Variants in EDIL3 observed in about 807,000 individuals in gnomAD.
The protein encoded by EDIL3 is EGF-like repeat and discoidin I-like domain-containing protein 3.
A neutral mutation model predicts 67.4 loss-of-function variants in EDIL3; 37 were observed. The observed-to-expected ratio is 0.55, with a 90% CI of 0.42 to 0.72. The LOEUF is 0.72. EDIL3 is among the 30% of genes least tolerant of loss of function. The pLI is 0.00. For missense variants in EDIL3, 527 were observed against 586.3 expected, an observed-to-expected ratio of 0.90 and a Z score of 1.04; for synonymous variants, 195 against 196.3, an observed-to-expected ratio of 0.99 and a Z score of 0.05.
Position 84,259,481 on chromosome 5 carries a change from A to T in EDIL3, c.68-5269T>A, listed in dbSNP as rs542528900. 7.9e-5 allele frequency among the ~76,000 whole-genome samples: 12 copies of T among 152,252 alleles called. No individual in the cohort carries two copies. The South Asian group carries it at 2.5e-3, about 32-fold the overall frequency. ...GACAGATGTGTTTAATTTGATTCTAACCATGTTTTATGGTTCCATCTGCAG... is the reference window on the plus strand; with the variant it reads ...GACAGATGTGTTTAATTTGATTCTATCCATGTTTTATGGTTCCATCTGCAG... On this transcript the variant is annotated intron_variant, in intron 1 of 10. Coordinates refer to ENST00000296591, the MANE Select transcript of EDIL3 (RefSeq NM_005711.5).
intron 1 of EDIL3, among the ~76,000 whole-genome samples, chr5:84,304,354 A>T (rs1044670840): frequency 6.6e-6 from 1 of 152,218 alleles, no homozygotes; most frequent in Non-Finnish European, 1.5e-5. Context: ...GGTGCACCAA[A>T]ATTGTGTGAG....
At chr5:84,223,759 A>G (rs1463962875) in intron 3 of EDIL3, among the ~76,000 whole-genome samples, 1 of 151,410 alleles carries the variant, frequency 6.6e-6, no homozygotes, top group East Asian at 1.9e-4. Flanking sequence ...GAGAGAGTAG[A>G]TTGTCAGTGC....
At chr5:84,312,015 C>G (rs1746401558) in intron 1 of EDIL3, among the ~76,000 whole-genome samples, 2 of 152,324 alleles carry the variant, frequency 1.3e-5, no homozygotes, top group South Asian at 2.1e-4. Flanking sequence ...CGCCTTTCCC[C>G]ACTTTCTATT....
chr5:84,302,694 C>T (rs141814037), intron 1 of EDIL3, among the ~76,000 whole-genome samples: 1,959 of 152,222 alleles, frequency 0.013, 26 homozygotes, highest in African/African-American at 0.043. Context: ...ATGTTATTTC[C>T]CAAAGTACTT....
In EDIL3 at chr5:84,327,645, AT is replaced by A. The variant is rs547907637; in HGVS notation, c.67+56662del. On this transcript the variant is annotated intron_variant, in intron 1 of 10. Transcript: ENST00000296591. ...GAGAACAATTAAAGTTGTGTATTTT[AT>A]TTTTTTCCCCACAGAGAAGTTTGGT... Among the ~76,000 whole-genome samples the A allele has an allele frequency of 6.0e-3, 913 of 151,860 alleles. 10 individuals carry two copies. Among genetic ancestry groups the A allele is most frequent in the Non-Finnish European group, 8.0e-3 (545 of 67,888 alleles).
chr5:84,333,030 A>G (rs773099668), intron 1 of EDIL3, among the ~76,000 whole-genome samples: 1 of 152,186 alleles, frequency 6.6e-6, no homozygotes, highest in Admixed American at 6.5e-5. Context: ...TTTCAAATGG[A>G]TAAGCTAATA....
At chr5:83,968,871 A>C (rs1381053160) in intron 9 of EDIL3, among the ~76,000 whole-genome samples, 5 of 151,922 alleles carry the variant, frequency 3.3e-5, no homozygotes, top group Non-Finnish European at 7.4e-5. Flanking sequence ...TTTTATATTT[A>C]ACATTTTAAA....
intron 1 of EDIL3, among the ~76,000 whole-genome samples, chr5:84,287,161 T>C (rs1272208339): frequency 2.0e-5 from 3 of 152,192 alleles, no homozygotes; most frequent in African/African-American, 7.2e-5. Flanking sequence ...ATACGTTCTA[T>C]TGAGCTAAAG....
chr5:84,373,425 C>A (rs1747897075), intron 1 of EDIL3, among the ~76,000 whole-genome samples: 1 of 152,224 alleles, frequency 6.6e-6, no homozygotes, highest in South Asian at 2.1e-4. Context: ...CCTCCAAAAT[C>A]TTTTTCCTCC....
At chr5:84,156,158 C>G (rs1278081117) in intron 4 of EDIL3, among the ~76,000 whole-genome samples, 1 of 152,132 alleles carries the variant, frequency 6.6e-6, no homozygotes, top group East Asian at 1.9e-4. Context: ...CTAGTAAACT[C>G]TGAAATTTTG....
intron 1 of EDIL3, among the ~76,000 whole-genome samples, chr5:84,291,830 C>T (rs184660577): frequency 0.012 from 1,750 of 145,936 alleles, 31 homozygotes; most frequent in African/African-American, 0.04. Flanking sequence ...TATACACACA[C>T]ATATATATAT....
intron 1 of EDIL3, among the ~76,000 whole-genome samples, chr5:84,313,105 T>A (rs191529660): frequency 6.6e-6 from 1 of 152,298 alleles, no homozygotes; most frequent in East Asian, 1.9e-4. Flanking sequence ...CATATTTAAA[T>A]GCATAGTTAA....
intron 1 of EDIL3, among the ~76,000 whole-genome samples, chr5:84,287,938 C>G (rs141589785): frequency 1.1e-4 from 16 of 152,220 alleles, no homozygotes; most frequent in Non-Finnish European, 1.3e-4. Context: ...CCCTTTGTAA[C>G]TTCAAATAGT....
At chr5:84,103,054 GA>G (rs1347242661) in intron 6 of EDIL3, among the ~76,000 whole-genome samples, 1 of 151,984 alleles carries the variant, frequency 6.6e-6, no homozygotes, top group Non-Finnish European at 1.5e-5. Context: ...TGAGAGACCA[GA>G]AATAAGGTTG....
intron 2 of EDIL3, among the ~76,000 whole-genome samples, chr5:84,231,172 G>A (rs766476852): frequency 3.3e-5 from 5 of 152,150 alleles, no homozygotes; most frequent in African/African-American, 1.2e-4. Flanking sequence ...GTTGATTCCT[G>A]TTTTAAGAGG....
chr5:84,020,900 G>GA (rs1406129408), intron 9 of EDIL3, among the ~76,000 whole-genome samples: 2 of 151,598 alleles, frequency 1.3e-5, no homozygotes, highest in Non-Finnish European at 2.9e-5. Context: ...GTAGAATAAA[G>GA]AAAAAAAGTT....
chr5:84,257,204 C>A (rs562593640), intron 1 of EDIL3, among the ~76,000 whole-genome samples: 68 of 152,168 alleles, frequency 4.5e-4, no homozygotes, highest in African/African-American at 1.5e-3. Context: ...CTTCCATGGC[C>A]CCTCTGCTGC....
At chr5:84,130,213 C>T (rs1747937816) in intron 5 of EDIL3, among the ~76,000 whole-genome samples, 1 of 152,168 alleles carries the variant, frequency 6.6e-6, no homozygotes, top group South Asian at 2.1e-4. Flanking sequence ...CCTCATGGCA[C>T]TTACCATATC....
chr5:83,949,254 A>C (rs1358068026), intron 10 of EDIL3, among the ~76,000 whole-genome samples: 1 of 151,740 alleles, frequency 6.6e-6, no homozygotes, highest in African/African-American at 2.4e-5. Context: ...TAGCATCCTG[A>C]GTGGAACCAT....
Sources: allele counts gnomAD v4.1 joint callset (sites outside exome capture counted in the v4.1 genomes callset), GRCh38; gene constraint gnomAD v4.1.1; transcripts MANE v1.5; gene names NCBI Gene and HGNC (gene_info 2026-07-23, HGNC 2026-07-21).